Variants in XPNPEP1 observed in about 807,000 individuals in gnomAD.
The protein encoded by XPNPEP1 is X-prolyl aminopeptidase 1.
A neutral mutation model predicts 92.4 loss-of-function variants in XPNPEP1; 39 were observed. That is an observed-to-expected ratio of 0.42 (90% CI 0.33 to 0.55). XPNPEP1 has a LOEUF of 0.55. XPNPEP1 is among the 20% of genes least tolerant of loss of function. The pLI, the probability that XPNPEP1 is intolerant of heterozygous loss-of-function variation, is 0.08. For missense variants in XPNPEP1, 654 were observed against 856.1 expected (o/e 0.76, Z 2.95); for synonymous variants, 307 against 299.4 (o/e 1.03, Z -0.26).
chr10:109,921,859 C>A (rs1221871073), intron 1 of XPNPEP1, among the ~76,000 whole-genome samples: 1 of 152,168 alleles, frequency 6.6e-6, no homozygotes, highest in Non-Finnish European at 1.5e-5. Flanking sequence ...TAAGGCAGCC[C>A]AGTGAGCATC....
intron 17 of XPNPEP1, chr10:109,871,146 G>A: frequency 5.1e-6 from 2 of 391,642 alleles, no homozygotes; most frequent in East Asian, 4.4e-5. Context: ...GACACCTACA[G>A]CACACAGAGG....
chr10:109,877,633 A>T, intron 14 of XPNPEP1, 157 bp downstream of exon 14: 1 of 940,288 alleles, frequency 1.1e-6, no homozygotes, highest in Admixed American at 2.5e-5. Context: ...ATTGGGAGAA[A>T]ATAAAATCTT....
intron 8 of XPNPEP1, chr10:109,884,382 C>G (rs899683222): frequency 2.0e-6 from 1 of 497,290 alleles, no homozygotes; most frequent in South Asian, 2.8e-5. Flanking sequence ...CATCACTGCC[C>G]GGAGAAGGGA....
chr10:109,886,732 C>T (rs920234933), intron 7 of XPNPEP1, among the ~76,000 whole-genome samples: 12 of 152,214 alleles, frequency 7.9e-5, no homozygotes, highest in African/African-American at 2.2e-4. Context: ...TAACACACTA[C>T]TGTAAATACT....
intron 1 of XPNPEP1, among the ~76,000 whole-genome samples, chr10:109,918,841 AAGG>A: frequency 3.0e-4 from 12 of 39,448 alleles, no homozygotes; most frequent in African/African-American, 4.9e-4. Flanking sequence ...AGGAGGAAGG[AAGG>A]AAGGAAGGAA....
chr10:109,868,021 C>T (rs1000063193), intron 20 of XPNPEP1, among the ~76,000 whole-genome samples: 43 of 152,180 alleles, frequency 2.8e-4, no homozygotes, highest in African/African-American at 1.0e-3. Context: ...GGAGTTAAGA[C>T]CCATAACCCT....
chr10:109,890,489 CAAAA>C (rs1047374137), intron 5 of XPNPEP1, among the ~76,000 whole-genome samples: 6 of 148,380 alleles, frequency 4.0e-5, no homozygotes, highest in African/African-American at 1.2e-4. Flanking sequence ...AGCACACAAA[CAAAA>C]AAATTTAAAG....
intron 19 of XPNPEP1, among the ~76,000 whole-genome samples, chr10:109,869,129 C>T (rs1013323604): frequency 1.9e-4 from 29 of 152,324 alleles, no homozygotes; most frequent in African/African-American, 6.5e-4. Flanking sequence ...CCCAGCCAGG[C>T]CCATCAGGCG....
intron 8 of XPNPEP1, 46 bp from the exon 9 acceptor site, chr10:109,884,194 T>A: frequency 6.3e-7 from 1 of 1,590,430 alleles, no homozygotes; most frequent in Non-Finnish European, 8.6e-7. Context: ...ACTTAAGATG[T>A]TAAGGGGTCG....
chr10:109,920,388 A>T (rs12250118), intron 1 of XPNPEP1, among the ~76,000 whole-genome samples: 2 of 152,262 alleles, frequency 1.3e-5, no homozygotes, highest in African/African-American at 4.8e-5. Context: ...ATCTCAATAA[A>T]GCCATTATAA....
chr10:109,869,141 C>CA (rs990123406), intron 19 of XPNPEP1, among the ~76,000 whole-genome samples: 2 of 152,216 alleles, frequency 1.3e-5, no homozygotes, highest in Non-Finnish European at 2.9e-5. Context: ...CATCAGGCGA[C>CA]AACACATCTA....
intron 1 of XPNPEP1, among the ~76,000 whole-genome samples, chr10:109,918,983 A>T (rs990492771): frequency 3.2e-4 from 49 of 151,160 alleles, no homozygotes; most frequent in African/African-American, 8.1e-4. Flanking sequence ...GAAAGAAAAT[A>T]AAAAAAAATT....
intron 1 of XPNPEP1, among the ~76,000 whole-genome samples, chr10:109,922,973 T>C (rs991856340): frequency 2.0e-5 from 3 of 152,104 alleles, no homozygotes; most frequent in Non-Finnish European, 2.9e-5. Flanking sequence ...GGAGTCAGTA[T>C]TGTCGAGATT....
At chr10:109,873,527 C>A in intron 15 of XPNPEP1, 100 bp from the exon 16 acceptor site, 1 of 1,406,192 alleles carries the variant, frequency 7.1e-7, no homozygotes. Context: ...CCATACAATG[C>A]TGGTGGGCAT....
chr10:109,922,980 G>C (rs1850633551), intron 1 of XPNPEP1, among the ~76,000 whole-genome samples: 2 of 152,322 alleles, frequency 1.3e-5, no homozygotes, highest in Non-Finnish European at 2.9e-5. Context: ...GTATTGTCGA[G>C]ATTGTAACTT....
rs972897966 is a variant in XPNPEP1 at position 109,902,481 on chromosome 10, G to A, written c.246+5210C>T. 3.3e-5 allele frequency among the ~76,000 whole-genome samples: 5 copies of A among 152,318 alleles called. No individual in the cohort carries two copies. The East Asian group carries it at 5.8e-4, about 18-fold the overall frequency. On this transcript the variant is annotated intron_variant, in intron 3 of 20. Transcript: ENST00000502935. ...CCCAGAGAGGCTCTAGAGCTCATAC[G>A]CTTACCTATATGCTAACTACCTGCC...
chr10:109,890,601 A>T (rs879349966), intron 5 of XPNPEP1, among the ~76,000 whole-genome samples: 28,786 of 122,560 alleles, frequency 0.23, 2,337 homozygotes, highest in African/African-American at 0.36. Context: ...TGTGAGAGAG[A>T]GAGAGAGAGA....
chr10:109,868,999 CAG>C (rs1847297129), intron 19 of XPNPEP1, among the ~76,000 whole-genome samples: 1 of 152,202 alleles, frequency 6.6e-6, no homozygotes, highest in Non-Finnish European at 1.5e-5. Flanking sequence ...TGATAGGAAA[CAG>C]GGGCAGGATA....
chr10:109,912,650 T>C (rs1321757614), intron 2 of XPNPEP1, among the ~76,000 whole-genome samples: 2 of 152,190 alleles, frequency 1.3e-5, no homozygotes, highest in Non-Finnish European at 1.5e-5. Context: ...AAGGAGTAAA[T>C]GAGTTACTAT....
Sources: gnomAD v4.1 joint callset for allele counts (sites outside exome capture counted in the v4.1 genomes callset) on GRCh38, gnomAD v4.1.1 for gene constraint, MANE v1.5 for transcripts, NCBI Gene and HGNC (gene_info 2026-07-23, HGNC 2026-07-21) for gene names.